The following SLC17A5 variants were observed in gnomAD, a reference collection of about 807,000 sequenced individuals.
SLC17A5 encodes the protein solute carrier family 17 member 5.
Under a neutral mutation model 59.4 loss-of-function variants are expected in SLC17A5, and 47 were observed. The ratio of observed to expected loss-of-function variants is 0.79; its 90% CI spans 0.63 to 1.01. The LOEUF (loss-of-function observed/expected upper bound fraction) is 1.01, where lower values mean the gene tolerates loss of function less well. Among genes scored for constraint, SLC17A5 ranks in the 50% least tolerant of loss-of-function variants. SLC17A5 has a pLI of 0.00. For missense variants in SLC17A5, 522 were observed against 595.5 expected (o/e 0.88, Z 1.28); for synonymous variants, 202 against 210.7 (o/e 0.96, Z 0.36).
chr6:73,638,298 TC>T (rs1769118754), intron 4 of SLC17A5, 113 bp downstream of exon 4: 1 of 750,056 alleles, frequency 1.3e-6, no homozygotes, highest in Non-Finnish European at 2.3e-6. Flanking sequence ...CTTAATGTTC[TC>T]CCCAAAGGGG....
chr6:73,598,552 AC>A (rs1372707984), intron 10 of SLC17A5, among the ~76,000 whole-genome samples: 1 of 151,986 alleles, frequency 6.6e-6, no homozygotes, highest in Non-Finnish European at 1.5e-5. Flanking sequence ...AATTGTTTGA[AC>A]CTGGGAGGCG....
chr6:73,645,317 T>G, intron 1 of SLC17A5: 1 of 985,380 alleles, frequency 1.0e-6, no homozygotes, highest in Non-Finnish European at 1.2e-6. Flanking sequence ...AGGCTGGGTT[T>G]GAATCAGAAG....
chr6:73,608,438 C>T (rs1767495239), intron 9 of SLC17A5, among the ~76,000 whole-genome samples: 1 of 152,074 alleles, frequency 6.6e-6, no homozygotes, highest in Admixed American at 6.6e-5. Context: ...TATAAGCAGA[C>T]CCAGTCTTAG....
In SLC17A5 at chr6:73,615,126, G is replaced by A. The variant is rs149119928; in HGVS notation, c.1111+189C>T. On this transcript the variant is annotated intron_variant, in intron 8 of 10. Coordinates refer to ENST00000355773, the MANE Select transcript of SLC17A5 (RefSeq NM_012434.5). The stretch of plus-strand genomic sequence containing the variant: ...ATTACAGGATACCTAGCTGGTGTCC[G>A]CTGCAGAACTGGTTATGTGTAGGCA... 7.2e-4 allele frequency among the ~76,000 whole-genome samples: 110 copies of A among 152,294 alleles called. 1 individual carries two copies. The East Asian group carries it at 0.016, about 22-fold the overall frequency.
At chr6:73,653,512 CCCCGCCCCCGCCCCCG>C in intron 1 of SLC17A5, 1 of 971,356 alleles carries the variant, frequency 1.0e-6, no homozygotes, top group South Asian at 4.8e-5. Flanking sequence ...CCGCCCCCGC[CCCCGCCCCCGCCCCCG>C]CCCGGTGGGG....
intron 7 of SLC17A5, among the ~76,000 whole-genome samples, chr6:73,616,200 T>C (rs1180035213): frequency 6.6e-6 from 1 of 152,154 alleles, no homozygotes; most frequent in East Asian, 1.9e-4. Flanking sequence ...GTCTTTCTAA[T>C]GACCATCTAG....
At chr6:73,647,612 T>G (rs1284666306) in intron 1 of SLC17A5, among the ~76,000 whole-genome samples, 2 of 152,374 alleles carry the variant, frequency 1.3e-5, no homozygotes, top group Admixed American at 1.3e-4. Flanking sequence ...TTATTGGGAC[T>G]ATGATATACC....
intron 5 of SLC17A5, among the ~76,000 whole-genome samples, chr6:73,635,969 G>A (rs1055668933): frequency 2.6e-5 from 4 of 151,988 alleles, no homozygotes; most frequent in African/African-American, 9.7e-5. Context: ...TTGAACTCCT[G>A]ACCTCGTGAT....
chr6:73,607,292 T>G (rs1442401436), intron 9 of SLC17A5, among the ~76,000 whole-genome samples: 1 of 151,976 alleles, frequency 6.6e-6, no homozygotes, highest in Non-Finnish European at 1.5e-5. Flanking sequence ...ATTTTTTTTT[T>G]TTTTGAGATG....
intron 9 of SLC17A5, among the ~76,000 whole-genome samples, chr6:73,605,667 A>ACACT (rs1767358729): frequency 6.6e-6 from 1 of 151,268 alleles, no homozygotes. Flanking sequence ...ACACACACAC[A>ACACT]CTAAGGGAGA....
chr6:73,629,892 A>G (rs1768615120), intron 6 of SLC17A5, among the ~76,000 whole-genome samples: 1 of 152,158 alleles, frequency 6.6e-6, no homozygotes, highest in Non-Finnish European at 1.5e-5. Context: ...TTAAAAGGAG[A>G]TCTTCAACAT....
chr6:73,600,929 T>A (rs1310446349), intron 9 of SLC17A5, among the ~76,000 whole-genome samples: 1 of 152,208 alleles, frequency 6.6e-6, no homozygotes, highest in African/African-American at 2.4e-5. Flanking sequence ...AATAGTTAAG[T>A]AGCATTTTAA....
At chr6:73,632,710 G>C (rs1423201342) in intron 6 of SLC17A5, among the ~76,000 whole-genome samples, 1 of 151,382 alleles carries the variant, frequency 6.6e-6, no homozygotes, top group African/African-American at 2.4e-5. Context: ...CCTAAGTGTT[G>C]GGATTACAGA....
At chr6:73,626,912 T>C (rs677073) in intron 6 of SLC17A5, among the ~76,000 whole-genome samples, 24,772 of 150,698 alleles carry the variant, frequency 0.16, 3,121 homozygotes, top group African/African-American at 0.35. Flanking sequence ...GCTGGGATTA[T>C]AAGCACTCAC....
At chr6:73,645,239 A>G in intron 1 of SLC17A5, 1 of 797,248 alleles carries the variant, frequency 1.3e-6, no homozygotes, top group Non-Finnish European at 1.5e-6. Context: ...TAGCAAAAAA[A>G]ATTTACTGCC....
In SLC17A5 at chr6:73,644,413, A is replaced by G. The variant is rs1240238827; in HGVS notation, c.285T>C (p.Asn95=). 6.2e-7 allele frequency: 1 copy of G among 1,612,752 alleles called. No homozygotes were observed. The highest frequency in any genetic ancestry group is 1.1e-5 in the South Asian group (1 of 90,892). The change falls in exon 2 of 11, where the codon AAT becomes AAC. Residue 95 remains asparagine, a synonymous_variant. Transcript: ENST00000355773. ...CTTAAAAAATAGCACCTACCGTTTG[A>G]TTATGATGAACTTTTATGGGAGCAG... The part of the protein sequence containing the change: ...EHSAPIKVHH[N]QTGKKYQWDA...
At chr6:73,616,276 C>T (rs12201702) in intron 7 of SLC17A5, among the ~76,000 whole-genome samples, 8,468 of 152,114 alleles carry the variant, frequency 0.056, 424 homozygotes, top group Admixed American at 0.16. Flanking sequence ...TATCAGAGCC[C>T]TCTTCCTCCC....
intron 8 of SLC17A5, 23 bp downstream of exon 8, chr6:73,615,292 C>T: frequency 1.2e-6 from 2 of 1,613,560 alleles, no homozygotes; most frequent in Non-Finnish European, 1.7e-6. Flanking sequence ...TAAACCAAAA[C>T]AAAACCTGAT....
chr6:73,607,775 A>ATTTT (rs10716332), intron 9 of SLC17A5, among the ~76,000 whole-genome samples: 76 of 130,434 alleles, frequency 5.8e-4, no homozygotes, highest in African/African-American at 1.3e-3. Flanking sequence ...GTTCCTTATA[A>ATTTT]TTTTTTTTTT....
Sources: gnomAD v4.1 joint callset for allele counts (sites outside exome capture counted in the v4.1 genomes callset) on GRCh38, gnomAD v4.1.1 for gene constraint, MANE v1.5 for transcripts, NCBI Gene and HGNC (gene_info 2026-07-23, HGNC 2026-07-21) for gene names.